PDE8B: variants seen among roughly 807,000 people sequenced by gnomAD.
PDE8B encodes high affinity cAMP-specific and IBMX-insensitive 3',5'-cyclic phosphodiesterase 8B.
A neutral mutation model predicts 101.3 loss-of-function variants in PDE8B; 26 were observed. The observed-to-expected ratio is 0.26, with a 90% CI of 0.19 to 0.36. PDE8B has a LOEUF of 0.36. Among genes scored for constraint, PDE8B ranks in the 10% least tolerant of loss-of-function variants. PDE8B has a pLI of 1.00. For synonymous variants in PDE8B, 424 were observed against 429.3 expected (o/e 0.99, Z 0.15); for missense variants, 810 against 1,163.1 (o/e 0.70, Z 4.42).
At chr5:77,148,512 C>G in the PDE8B span, 1 of 152,168 alleles carries the variant, frequency 6.6e-6, no homozygotes, top group South Asian at 2.1e-4. Flanking sequence ...ATGATGGTTT[C>G]AATTTTCCCA....
chr5:77,400,347 G>A (rs1037823306), intron 11 of PDE8B, 57 bp downstream of exon 11: 18 of 1,091,202 alleles, frequency 1.6e-5, no homozygotes, highest in Non-Finnish European at 2.4e-5. Context: ...GGGTTCAAAT[G>A]TATACATTTC....
At chr5:77,129,310 A>G in the PDE8B span, among the ~76,000 whole-genome samples, 1 of 152,180 alleles carries the variant, frequency 6.6e-6, no homozygotes, top group East Asian at 1.9e-4. Flanking sequence ...ACATCCACAA[A>G]GTATAAATAA....
At chr5:77,407,335 C>T (rs1362185314) in intron 12 of PDE8B, 46 bp from the exon 13 acceptor site, 1 of 1,491,580 alleles carries the variant, frequency 6.7e-7, no homozygotes, top group South Asian at 1.1e-5. Flanking sequence ...CACTTAGCCA[C>T]ACTGAGCCAC....
the PDE8B span, chr5:77,112,211 A>C: frequency 1.2e-4 from 18 of 152,180 alleles, no homozygotes; most frequent in Non-Finnish European, 2.1e-4. Flanking sequence ...CAGGTTTACA[A>C]TCTAACCTTC....
At chr5:77,356,498 C>G (rs191982569) in intron 10 of PDE8B, among the ~76,000 whole-genome samples, 121 of 152,312 alleles carry the variant, frequency 7.9e-4, no homozygotes, top group African/African-American at 2.8e-3. Context: ...GGCACGATCT[C>G]AGCTCACTGC....
intron 6 of PDE8B, among the ~76,000 whole-genome samples, chr5:77,344,212 T>C (rs1779748120): frequency 6.6e-6 from 1 of 152,258 alleles, no homozygotes; most frequent in South Asian, 2.1e-4. Flanking sequence ...TGTTATATAC[T>C]GTACATCATT....
At chr5:77,183,158 T>G in the PDE8B span, among the ~76,000 whole-genome samples, 2 of 151,612 alleles carry the variant, frequency 1.3e-5, no homozygotes, top group African/African-American at 2.4e-5. Flanking sequence ...CTTGCTCTGT[T>G]GTCCAGGCTG....
chr5:77,196,773 C>T, the PDE8B span, among the ~76,000 whole-genome samples: 1 of 152,006 alleles, frequency 6.6e-6, no homozygotes, highest in South Asian at 2.1e-4. Context: ...AGTATTATTT[C>T]TTCTTTATAT....
At chr5:77,216,437 A>G (rs745338003) in intron 1 of PDE8B, among the ~76,000 whole-genome samples, 9 of 152,180 alleles carry the variant, frequency 5.9e-5, no homozygotes, top group Non-Finnish European at 8.8e-5. Context: ...CAAGCAAAAG[A>G]GGTTACCCTT....
intron 1 of PDE8B, among the ~76,000 whole-genome samples, chr5:77,284,110 TG>T (rs1471546460): frequency 6.6e-6 from 1 of 152,260 alleles, no homozygotes; most frequent in Non-Finnish European, 1.5e-5. Flanking sequence ...CATGCTTATT[TG>T]ACATCTGTGT....
chr5:77,291,817 G>A, intron 1 of PDE8B: 1 of 1,555,858 alleles, frequency 6.4e-7, no homozygotes, highest in Non-Finnish European at 8.9e-7. Flanking sequence ...TGTTTTAGAT[G>A]AACATCCCTT....
At chr5:77,335,532 G>GGT (rs35776739) in intron 5 of PDE8B, among the ~76,000 whole-genome samples, 2,979 of 145,634 alleles carry the variant, frequency 0.02, 32 homozygotes, top group African/African-American at 0.023. Flanking sequence ...GTATATGTGG[G>GGT]GTGTGTGTGT....
chr5:77,358,999 G>A (rs942506379), intron 10 of PDE8B, among the ~76,000 whole-genome samples: 20 of 152,212 alleles, frequency 1.3e-4, no homozygotes, highest in African/African-American at 4.8e-4. Flanking sequence ...CTCTGATATT[G>A]CGAAACCACA....
At chr5:77,351,372 C>T (rs1781095021) in intron 9 of PDE8B, among the ~76,000 whole-genome samples, 1 of 152,218 alleles carries the variant, frequency 6.6e-6, no homozygotes, top group Non-Finnish European at 1.5e-5. Flanking sequence ...CCCACCTCCA[C>T]CTGATCACCT....
the PDE8B span, among the ~76,000 whole-genome samples, chr5:77,182,294 G>C: frequency 6.6e-6 from 1 of 151,608 alleles, no homozygotes; most frequent in Non-Finnish European, 1.5e-5. Context: ...AGATCAGTGG[G>C]TGAATTGAAT....
the PDE8B span, chr5:77,134,534 A>C: frequency 2.0e-5 from 3 of 152,232 alleles, no homozygotes; most frequent in African/African-American, 7.2e-5. Context: ...CTTTCTATGA[A>C]GAGACCAGCA....
At chr5:77,258,091 C>T (rs1217206896) in intron 1 of PDE8B, among the ~76,000 whole-genome samples, 2 of 151,624 alleles carry the variant, frequency 1.3e-5, no homozygotes, top group Non-Finnish European at 2.9e-5. Context: ...GAGTTCAAGA[C>T]CAGCCTGGCC....
intron 1 of PDE8B, chr5:77,291,691 G>C (rs1356861218): frequency 1.3e-6 from 2 of 1,594,760 alleles, no homozygotes; most frequent in African/African-American, 2.7e-5. Context: ...AAGCACACTG[G>C]TGGTGGCAGG....
chr5:77,314,281 A>G (rs1773316711), intron 2 of PDE8B, among the ~76,000 whole-genome samples: 1 of 152,058 alleles, frequency 6.6e-6, no homozygotes, highest in Non-Finnish European at 1.5e-5. Flanking sequence ...TGTCTCGATT[A>G]GTGTAATTTT....
Sources: allele counts gnomAD v4.1 joint callset (sites outside exome capture counted in the v4.1 genomes callset), GRCh38; gene constraint gnomAD v4.1.1; transcripts MANE v1.5; gene names NCBI Gene and HGNC (gene_info 2026-07-23, HGNC 2026-07-21).